DHX15: variants seen among roughly 807,000 people sequenced by gnomAD.
The protein encoded by DHX15 is ATP-dependent RNA helicase DHX15.
A neutral mutation model predicts 94.4 loss-of-function variants in DHX15; 11 were observed. The observed-to-expected ratio is 0.12, with a 90% confidence interval of 0.07 to 0.19. The LOEUF (loss-of-function observed/expected upper bound fraction) is 0.19. DHX15 is among the 10% of genes least tolerant of loss of function. The probability of loss-of-function intolerance (pLI) is 1.00; values close to 1 mark genes in which losing one functional copy is unlikely to be tolerated. For missense variants in DHX15, 304 were observed against 988.5 expected (o/e 0.31, Z 9.29); for synonymous variants, 338 against 329.9 (o/e 1.02, Z -0.27).
At chr4:24,542,321 T>C (rs1721329361) in intron 7 of DHX15, among the ~76,000 whole-genome samples, 1 of 152,166 alleles carries the variant, frequency 6.6e-6, no homozygotes, top group African/African-American at 2.4e-5. Flanking sequence ...TTGCTTTTTA[T>C]ATGCTGGGCA....
At chr4:24,530,703 G>T (rs114289212) in intron 12 of DHX15, 1 of 151,914 alleles carries the variant, frequency 6.6e-6, no homozygotes. Flanking sequence ...GAGCTTGCAC[G>T]TGCTTCCCTC....
rs1721225066 is a variant in DHX15, at chr4:24,537,713, C to T, written c.1787-540G>A. 1 of 152,266 alleles carries T rather than the reference C, an allele frequency of 6.6e-6. No individual in the cohort carries two copies. The highest frequency in any genetic ancestry group is 2.1e-4 in the South Asian group (1 of 4,818). 9.4% of individuals were successfully genotyped at this position (152,266 alleles called of 1,614,324 possible). ...ACCAACTGGTGGGTATCACTATTAGCACCGGTGAGCAGAAGCATATGTAAA... is the reference window on the plus strand; with the variant it reads ...ACCAACTGGTGGGTATCACTATTAGTACCGGTGAGCAGAAGCATATGTAAA... On this transcript the variant is annotated intron_variant, in intron 10 of 13. Transcript: ENST00000336812. The surrounding 1 kb of genome is among the most constrained non-coding windows in gnomAD (Gnocchi z 4.7).
Position 24,576,456 on chromosome 4 carries a change from AGCAGAATGTGTTGAATGCGTTGAATGT to A in DHX15, c.267_293del (p.Ser94_His102del). 2 of 1,614,212 alleles carry A rather than the reference AGCAGAATGTGTTGAATGCGTTGAATGT, an allele frequency of 1.2e-6. No homozygotes were observed. Among genetic ancestry groups the A allele is most frequent in the Non-Finnish European group, 1.7e-6 (2 of 1,180,046 alleles). ...CTGCATGTCCGGCATGCGTTGAATG[AGCAGAATGTGTTGAATGCGTTGAATGT>A]GCTGAGTGGGTTGAGTGAGCTGAAT... On this transcript the variant is annotated inframe_deletion, in exon 2 of 14. Transcript: ENST00000336812.
intron 2 of DHX15, among the ~76,000 whole-genome samples, chr4:24,573,757 C>T (rs961201969): frequency 6.6e-6 from 1 of 152,208 alleles, no homozygotes; most frequent in African/African-American, 2.4e-5. Context: ...GTATTCTAGC[C>T]AGAGCATACC....
chr4:24,584,189 G>A (rs906787088), intron 1 of DHX15, 134 bp downstream of exon 1: 10 of 941,830 alleles, frequency 1.1e-5, no homozygotes, highest in African/African-American at 1.0e-4. Flanking sequence ...CCTACCCGCC[G>A]CTAGTGAACC....
At chr4:24,533,355 G>A (rs1176082304) in intron 11 of DHX15, 1 of 399,036 alleles carries the variant, frequency 2.5e-6, no homozygotes, top group African/African-American at 2.0e-5. Flanking sequence ...TCCAAAAGAT[G>A]GTCTATCAGA....
chr4:24,556,148 T>C (rs1418158724), intron 4 of DHX15, 103 bp downstream of exon 4: 14 of 909,270 alleles, frequency 1.5e-5, no homozygotes, highest in Non-Finnish European at 2.2e-5. Context: ...TTCCTTCTTT[T>C]ACAGGTGATT....
chr4:24,573,265 T>C lies in DHX15; in HGVS notation c.508-2418A>G, dbSNP rs141596292. On this transcript the variant is annotated intron_variant, in intron 2 of 13. Transcript: ENST00000336812. ...CTTTTCAGCTCTTTGCTTCCTCCAC[T>C]TGAGGGCATCTTAAAACTGATCCTC... 2.0e-5 allele frequency among the ~76,000 whole-genome samples: 3 copies of C among 152,338 alleles called. No individual in the cohort carries two copies. In the East Asian group the frequency reaches 5.8e-4, roughly 29 times the overall value.
intron 11 of DHX15, chr4:24,533,976 T>G (rs2109392657): frequency 6.6e-6 from 1 of 152,362 alleles, no homozygotes; most frequent in East Asian, 1.9e-4. Context: ...AGTTATAGTG[T>G]ATAACTCTGC....
chr4:24,555,674 C>T (rs1213444800), intron 4 of DHX15, among the ~76,000 whole-genome samples: 5 of 152,064 alleles, frequency 3.3e-5, no homozygotes, highest in Non-Finnish European at 7.4e-5. Context: ...AGTATACACA[C>T]ACAACACAGC....
chr4:24,559,767 T>A (rs989458752), intron 3 of DHX15, among the ~76,000 whole-genome samples: 1 of 152,152 alleles, frequency 6.6e-6, no homozygotes, highest in Non-Finnish European at 1.5e-5. Context: ...TTGGAACTAG[T>A]AAGAACTACA....
At chr4:24,531,329 C>T (rs1156341411) in intron 12 of DHX15, among the ~76,000 whole-genome samples, 1 of 151,978 alleles carries the variant, frequency 6.6e-6, no homozygotes, top group Non-Finnish European at 1.5e-5. Flanking sequence ...ACCTCGTGAT[C>T]CACCCGCCTC....
At chr4:24,565,446 T>G (rs910263272) in intron 3 of DHX15, among the ~76,000 whole-genome samples, 6 of 152,256 alleles carry the variant, frequency 3.9e-5, no homozygotes, top group African/African-American at 1.4e-4. Context: ...ACCTAACTTA[T>G]GTGCTACACA....
chr4:24,559,561 TTAG>T (rs1266821679), intron 3 of DHX15, among the ~76,000 whole-genome samples: 1 of 152,068 alleles, frequency 6.6e-6, no homozygotes, highest in Non-Finnish European at 1.5e-5. Context: ...ACTAACTTTC[TTAG>T]TAGTAATGAA....
intron 2 of DHX15, among the ~76,000 whole-genome samples, chr4:24,575,696 C>CA (rs1227645209): frequency 1.3e-5 from 2 of 152,130 alleles, no homozygotes; most frequent in East Asian, 1.9e-4. Context: ...CCATGGGAAA[C>CA]AGTCTAAATG....
chr4:24,535,595 A>T (rs986162965), intron 11 of DHX15, among the ~76,000 whole-genome samples: 1 of 152,140 alleles, frequency 6.6e-6, no homozygotes. Context: ...CTTAACTCTC[A>T]TATCTGCCCC....
chr4:24,551,705 C>G (rs1721608839), intron 5 of DHX15, among the ~76,000 whole-genome samples: 1 of 152,116 alleles, frequency 6.6e-6, no homozygotes, highest in African/African-American at 2.4e-5. Context: ...AAATTAAGAG[C>G]TCTCCAACTT....
intron 12 of DHX15, among the ~76,000 whole-genome samples, 196 bp downstream of exon 12, chr4:24,532,668 A>G (rs1721108653): frequency 6.6e-6 from 1 of 152,216 alleles, no homozygotes; most frequent in Non-Finnish European, 1.5e-5. Flanking sequence ...TTAGTACATT[A>G]ATTTGTTACT....
chr4:24,568,951 CATAAGG>C, intron 3 of DHX15, among the ~76,000 whole-genome samples: 1 of 152,128 alleles, frequency 6.6e-6, no homozygotes, highest in South Asian at 2.1e-4. Flanking sequence ...CCCATAAAGT[CATAAGG>C]ATAAGCTTAT....
Sources: allele counts gnomAD v4.1 joint callset (sites outside exome capture counted in the v4.1 genomes callset), GRCh38; gene constraint gnomAD v4.1.1; non-coding constraint Gnocchi (gnomAD v3.1); transcripts MANE v1.5; gene names NCBI Gene and HGNC (gene_info 2026-07-23, HGNC 2026-07-21).